FRAS1: variants seen among roughly 807,000 people sequenced by gnomAD.
FRAS1 encodes the protein extracellular matrix organizing protein FRAS1.
In FRAS1, 290 loss-of-function variants were observed where a neutral mutation model predicts 435.2. The observed-to-expected ratio is 0.67, with a 90% CI of 0.61 to 0.73. The LOEUF is 0.73. FRAS1 is among the 30% of genes least tolerant of loss of function. FRAS1 has a pLI of 0.00. For missense variants in FRAS1, 4,860 were observed against 5,001.5 expected, an observed-to-expected ratio of 0.97 and a Z score of 0.85; for synonymous variants, 1,800 against 1,851.0, an observed-to-expected ratio of 0.97 and a Z score of 0.71.
chr4:78,544,133 G>A lies in FRAS1; in HGVS notation c.*3009G>A, dbSNP rs974625734. 3 of 152,608 alleles carry A rather than the reference G, an allele frequency of 2.0e-5. No homozygotes were observed. Among genetic ancestry groups the A allele is most frequent in the Admixed American group, 6.5e-5 (1 of 15,284 alleles). The allele number at this position is 152,608 out of a possible 1,614,324, so 9.5% of individuals were successfully genotyped here. A position where few individuals can be genotyped will look rare whatever the true frequency, so the allele number is the denominator to read the frequency against. The stretch of plus-strand genomic sequence containing the variant: ...CTCAGACTGAGTAAACATTTGTGGT[G>A]CTGTCAACCTGATTTCTTGACTCTC... On this transcript the variant is annotated 3_prime_UTR_variant, in exon 74 of 74. Coordinates refer to ENST00000512123, the MANE Select transcript of FRAS1 (RefSeq NM_025074.7).
chr4:78,202,646 G>C (rs1723091373), intron 2 of FRAS1, among the ~76,000 whole-genome samples: 1 of 152,132 alleles, frequency 6.6e-6, no homozygotes, highest in Non-Finnish European at 1.5e-5. Flanking sequence ...AGCCAAGATG[G>C]TGCCACTGTA....
chr4:78,475,539 C>G lies in FRAS1; in HGVS notation c.7784C>G (p.Thr2595Ser), dbSNP rs376125169. 7.4e-6 allele frequency: 12 copies of G among 1,613,600 alleles called. No individual in the cohort carries two copies. In the African/African-American group the frequency reaches 1.6e-4, roughly 22 times the overall value. The change falls in exon 54 of 74, where the codon ACC becomes AGC. Residue 2595 changes from threonine (T) to serine (S), a missense_variant. Coordinates refer to ENST00000512123, the MANE Select transcript of FRAS1 (RefSeq NM_025074.7). ...GTCCTGTGTCGCACCGAGCAAGGCA[C>G]CGCCAGCTCCAGCTCCAGGGTCAGC... The part of the protein sequence containing the change: ...AIVLCRTEQG[T>S]ASSSSRVSSQ...
chr4:78,072,315 T>A (rs1440968558), intron 2 of FRAS1, among the ~76,000 whole-genome samples: 12 of 152,196 alleles, frequency 7.9e-5, no homozygotes, highest in Non-Finnish European at 1.6e-4. Context: ...GCTATAGTGT[T>A]ACTTTTTAAA....
At chr4:78,086,435 C>T (rs1468991781) in intron 2 of FRAS1, among the ~76,000 whole-genome samples, 1 of 151,896 alleles carries the variant, frequency 6.6e-6, no homozygotes. Context: ...CAGAGCAGAA[C>T]TGAAGGAGAT....
chr4:78,063,850 AAAGTT>A (rs1339516669), intron 1 of FRAS1, among the ~76,000 whole-genome samples: 2 of 152,096 alleles, frequency 1.3e-5, no homozygotes, highest in Non-Finnish European at 2.9e-5. Flanking sequence ...GTTTTTTCTA[AAAGTT>A]AAGTTTTGTT....
chr4:78,436,125 A>G (rs1203392890), intron 38 of FRAS1, among the ~76,000 whole-genome samples: 6 of 152,206 alleles, frequency 3.9e-5, no homozygotes, highest in Admixed American at 6.5e-5. Flanking sequence ...TGCAAAAAAT[A>G]TAACCAAAAA....
intron 31 of FRAS1, 100 bp downstream of exon 31, chr4:78,407,941 A>G (rs1733166459): frequency 4.7e-6 from 5 of 1,055,558 alleles, no homozygotes; most frequent in Non-Finnish European, 6.6e-6. Flanking sequence ...GTTGACAGGA[A>G]ATCACATTTG....
chr4:78,181,637 C>T (rs1722007233), intron 2 of FRAS1: 2 of 1,610,166 alleles, frequency 1.2e-6, no homozygotes, highest in South Asian at 1.1e-5. Context: ...CTTTTCGAAT[C>T]TTCGTTCACA....
At chr4:78,535,185 T>C (rs1353646549) in intron 71 of FRAS1, among the ~76,000 whole-genome samples, 1 of 152,180 alleles carries the variant, frequency 6.6e-6, no homozygotes, top group African/African-American at 2.4e-5. Context: ...CACTCTCCTG[T>C]CCCTGGCCTC....
In FRAS1 at chr4:78,438,893, T is replaced by G. The variant is rs1005051990; in HGVS notation, c.5367-9T>G. 1 of 1,590,524 alleles carries G rather than the reference T, an allele frequency of 6.3e-7. No homozygotes were observed. The highest frequency in any genetic ancestry group is 8.5e-7 in the Non-Finnish European group (1 of 1,172,370). On this transcript the variant is annotated splice_polypyrimidine_tract_variant and intron_variant, in intron 39 of 73. Transcript: ENST00000512123. ...GCTTATTCATTTGATTCTTTTTGTT[T>G]TTTTATAGATACTCAGCTGTGTTTG...
At chr4:78,301,308 G>A (rs924630235) in intron 14 of FRAS1, among the ~76,000 whole-genome samples, 3 of 151,224 alleles carry the variant, frequency 2.0e-5, no homozygotes, top group South Asian at 2.1e-4. Flanking sequence ...AGCCAAATTC[G>A]AAAAAATTCA....
chr4:78,489,142 G>T, intron 59 of FRAS1, 62 bp downstream of exon 59: 1 of 1,486,474 alleles, frequency 6.7e-7, no homozygotes, highest in Non-Finnish European at 9.1e-7. Flanking sequence ...TGTCTGTAAT[G>T]AAGTCATTTA....
chr4:78,319,725 T>G (rs1290200643), intron 18 of FRAS1: 2 of 213,962 alleles, frequency 9.3e-6, no homozygotes, highest in East Asian at 2.2e-4. Context: ...CTTTGTGTGT[T>G]TATATTTGTA....
At chr4:78,373,793 A>AATG (rs1275667344) in intron 24 of FRAS1, among the ~76,000 whole-genome samples, 1 of 152,036 alleles carries the variant, frequency 6.6e-6, no homozygotes, top group Non-Finnish European at 1.5e-5. Flanking sequence ...TAATAATAAT[A>AATG]ATAGTAATAG....
intron 2 of FRAS1, among the ~76,000 whole-genome samples, chr4:78,154,063 C>T (rs965499186): frequency 1.1e-4 from 16 of 151,572 alleles, no homozygotes; most frequent in South Asian, 4.1e-4. Flanking sequence ...GCAGATTATT[C>T]GGTATGATTT....
intron 6 of FRAS1, among the ~76,000 whole-genome samples, chr4:78,259,558 G>T (rs935251778): frequency 6.6e-6 from 1 of 151,644 alleles, no homozygotes; most frequent in Non-Finnish European, 1.5e-5. Flanking sequence ...AGGGTTGTTT[G>T]TTTTTTTCTT....
At chr4:78,451,913 T>C in intron 46 of FRAS1, 22 bp downstream of exon 46, 1 of 1,594,866 alleles carries the variant, frequency 6.3e-7, no homozygotes, top group Non-Finnish European at 8.5e-7. Flanking sequence ...TTTGATTTTC[T>C]AATATAAAAC....
At position 78,225,395 on chromosome 4, in the gene FRAS1, G is replaced by A. The variant is rs542666803; in HGVS notation, c.109-12115G>A. Among the ~76,000 whole-genome samples, 4 of 152,284 alleles carry A rather than the reference G, an allele frequency of 2.6e-5. No homozygotes were observed. In the South Asian group the frequency reaches 6.2e-4, roughly 24 times the overall value. ...CTAATCTCTAAGTTTCATGGAGGAG[G>A]AACCAGAGGCCCAGGGAGGCGGTTT... On this transcript the variant is annotated intron_variant, in intron 2 of 73. Transcript: ENST00000512123.
At chr4:78,464,308 G>C (rs1483876300) in intron 48 of FRAS1, 135 bp from the exon 49 acceptor site, 3 of 1,392,510 alleles carry the variant, frequency 2.2e-6, no homozygotes, top group Middle Eastern at 2.3e-4. Context: ...TTGCCCAAGA[G>C]GACTCACTCT....
Sources: allele counts gnomAD v4.1 joint callset (sites outside exome capture counted in the v4.1 genomes callset), GRCh38; gene constraint gnomAD v4.1.1; transcripts MANE v1.5; gene names NCBI Gene and HGNC (gene_info 2026-07-23, HGNC 2026-07-21).